Variants in RNF216 observed in about 807,000 individuals in gnomAD.
The protein encoded by RNF216 is E3 ubiquitin-protein ligase RNF216.
A neutral mutation model predicts 110.8 loss-of-function variants in RNF216; 72 were observed. That is an observed-to-expected ratio of 0.65 (90% CI 0.54 to 0.79). The LOEUF (loss-of-function observed/expected upper bound fraction) is 0.79. Among genes scored for constraint, RNF216 ranks in the 30% least tolerant of loss-of-function variants. The pLI is 0.00. For synonymous variants in RNF216, 495 were observed against 407.5 expected (o/e 1.21, Z -2.59); for missense variants, 1,342 against 1,141.2 (o/e 1.18, Z -2.54).
intron 13 of RNF216, among the ~76,000 whole-genome samples, chr7:5,674,991 T>C (rs1279372475): frequency 2.0e-5 from 3 of 152,072 alleles, no homozygotes; most frequent in Admixed American, 2.0e-4. Context: ...AGAGAGACTC[T>C]GTCTCAAAAA....
chr7:5,689,601 T>C (rs1187443253), intron 13 of RNF216, among the ~76,000 whole-genome samples: 3 of 152,176 alleles, frequency 2.0e-5, no homozygotes, highest in African/African-American at 4.8e-5. Flanking sequence ...AATGTAGTTT[T>C]AGGGCTGTAA....
intron 13 of RNF216, among the ~76,000 whole-genome samples, chr7:5,709,750 A>G (rs201470389): frequency 6.7e-6 from 1 of 148,724 alleles, no homozygotes; most frequent in Non-Finnish European, 1.5e-5. Context: ...TCAGGCTTTT[A>G]TTTTTTAAAT....
intron 5 of RNF216, among the ~76,000 whole-genome samples, chr7:5,733,403 A>G (rs1479075205): frequency 1.3e-5 from 2 of 152,236 alleles, no homozygotes; most frequent in African/African-American, 2.4e-5. Context: ...AAGAGAAGGT[A>G]TCAATTTGAT....
At chr7:5,764,744 T>C (rs1455827613) in intron 1 of RNF216, among the ~76,000 whole-genome samples, 1 of 152,072 alleles carries the variant, frequency 6.6e-6, no homozygotes, top group Non-Finnish European at 1.5e-5. Flanking sequence ...AAACTTCAAA[T>C]TCTATGATCC....
At position 5,721,147 on chromosome 7, in the gene RNF216, C is replaced by T; in HGVS notation, c.1530G>A (p.Met510Ile). ...GTCGTCGCTTATTTTCAAGAAAGAA[C>T]ATCCTCTTTTCTATTTTTATGTCAC... ...EQGDIKIEKR[M>I]FFLENKRRHC... The change falls in exon 9 of 17, where the codon ATG becomes ATA. Residue 510 changes from methionine (M) to isoleucine (I), a missense_variant. Coordinates refer to ENST00000389902, the MANE Select transcript of RNF216 (RefSeq NM_207111.4). 6.2e-7 allele frequency: 1 copy of T among 1,613,906 alleles called. No individual in the cohort carries two copies. Among genetic ancestry groups the T allele is most frequent in the Non-Finnish European group, 8.5e-7 (1 of 1,179,814 alleles).
chr7:5,755,986 G>A (rs1370256807), intron 2 of RNF216, among the ~76,000 whole-genome samples: 1 of 151,804 alleles, frequency 6.6e-6, no homozygotes, highest in Non-Finnish European at 1.5e-5. Context: ...AGATTGATAT[G>A]GTTTGGCTGT....
chr7:5,729,701 T>C, intron 6 of RNF216, 105 bp from the exon 7 acceptor site: 1 of 1,006,088 alleles, frequency 9.9e-7, no homozygotes, highest in South Asian at 1.6e-5. Context: ...ACATTTGTTC[T>C]AATTACTCTA....
intron 1 of RNF216, among the ~76,000 whole-genome samples, chr7:5,770,024 C>CAAAAAAAAAAA (rs1163710982): frequency 1.2e-4 from 3 of 24,152 alleles, no homozygotes; most frequent in African/African-American, 3.7e-4. Flanking sequence ...AGACCCATCT[C>CAAAAAAAAAAA]AAAAAAAAAA....
intron 14 of RNF216, among the ~76,000 whole-genome samples, chr7:5,651,689 G>A (rs1004687574): frequency 2.0e-5 from 3 of 149,826 alleles, no homozygotes; most frequent in Non-Finnish European, 3.0e-5. Flanking sequence ...TCGCTCTGTT[G>A]GCAGGCTGGA....
intron 8 of RNF216, among the ~76,000 whole-genome samples, chr7:5,723,515 C>T (rs542053451): frequency 1.6e-4 from 24 of 151,832 alleles, no homozygotes; most frequent in Middle Eastern, 3.4e-3. Context: ...GACTCGGTGG[C>T]GGGCACCTGT....
In RNF216 at chr7:5,715,128, C is replaced by T. The variant is rs779699067; in HGVS notation, c.1758G>A (p.Gln586=). The part of the protein sequence containing the change: ...YGEFPFEELT[Q]CADAHLFCKE... ...TGCAGAACAAGTGAGCATCTGCGCA[C>T]TGCGTCAGCTCCTCGAATGGAAATT... The change falls in exon 11 of 17, where the codon CAG becomes CAA. Residue 586 remains glutamine, a synonymous_variant. Transcript: ENST00000389902. The T allele has an allele frequency of 5.0e-6, 8 of 1,613,902 alleles. No homozygotes were observed. Among genetic ancestry groups the T allele is most frequent in the South Asian group, 1.1e-5 (1 of 91,086 alleles).
chr7:5,750,749 C>T (rs1327130414), intron 3 of RNF216, among the ~76,000 whole-genome samples: 1 of 152,240 alleles, frequency 6.6e-6, no homozygotes, highest in East Asian at 1.9e-4. Context: ...GAGACTCTTA[C>T]TCTCCTTAAT....
intron 15 of RNF216, among the ~76,000 whole-genome samples, chr7:5,638,706 T>C (rs1205554436): frequency 6.7e-6 from 1 of 149,440 alleles, no homozygotes; most frequent in Non-Finnish European, 1.5e-5. Context: ...GGCAAGAACA[T>C]GGCTCACTGC....
chr7:5,695,742 G>A (rs1328178074), intron 13 of RNF216, among the ~76,000 whole-genome samples: 2 of 152,156 alleles, frequency 1.3e-5, no homozygotes, highest in Non-Finnish European at 2.9e-5. Context: ...CATTCACAGA[G>A]GGAAAAGCAA....
chr7:5,622,845 G>A lies in RNF216; in HGVS notation c.*15C>T, dbSNP rs375027678. ...CCAAACGGGCTTTGTGCTGCTCAAT[G>A]GGGATTCGGGGCCATCAGAAGCGAT... On this transcript the variant is annotated 3_prime_UTR_variant, in exon 17 of 17. Coordinates refer to ENST00000389902, the MANE Select transcript of RNF216 (RefSeq NM_207111.4). 53 of 1,583,856 alleles carry A rather than the reference G, an allele frequency of 3.3e-5. No individual in the cohort carries two copies. The highest frequency in any genetic ancestry group is 4.4e-5 in the Non-Finnish European group (51 of 1,162,552).
chr7:5,717,541 A>G (rs1793141299), intron 9 of RNF216, among the ~76,000 whole-genome samples: 1 of 152,218 alleles, frequency 6.6e-6, no homozygotes, highest in Admixed American at 6.5e-5. Flanking sequence ...CTGGGCAGAA[A>G]CAGGGAATGA....
chr7:5,647,014 T>C (rs894097600), intron 14 of RNF216, among the ~76,000 whole-genome samples: 3 of 152,140 alleles, frequency 2.0e-5, no homozygotes, highest in Admixed American at 6.5e-5. Context: ...GGCTTGCCCA[T>C]GTGTTACTCA....
intron 7 of RNF216, among the ~76,000 whole-genome samples, chr7:5,725,760 G>C (rs1470244901): frequency 6.8e-6 from 1 of 147,122 alleles, no homozygotes; most frequent in Non-Finnish European, 1.5e-5. Flanking sequence ...TGCGGCAGGA[G>C]AATCGCTTGA....
At chr7:5,756,174 T>C (rs1795632343) in intron 2 of RNF216, among the ~76,000 whole-genome samples, 2 of 152,186 alleles carry the variant, frequency 1.3e-5, no homozygotes, top group South Asian at 4.1e-4. Flanking sequence ...CTGCTTGCAC[T>C]CACTCCATCC....
Sources: allele counts gnomAD v4.1 joint callset (sites outside exome capture counted in the v4.1 genomes callset), GRCh38; gene constraint gnomAD v4.1.1; transcripts MANE v1.5; gene names NCBI Gene and HGNC (gene_info 2026-07-23, HGNC 2026-07-21).